Variants in SOBP observed in about 807,000 individuals in gnomAD.
SOBP encodes the protein sine oculis binding protein homolog.
SOBP carries 4 observed loss-of-function variants against 53.6 expected under a neutral mutation model. The observed-to-expected ratio is 0.07, with a 90% CI of 0.04 to 0.17. The LOEUF (loss-of-function observed/expected upper bound fraction) is 0.17, where lower values mean the gene tolerates loss of function less well. Among genes scored for constraint, SOBP ranks in the 10% least tolerant of loss-of-function variants. The pLI is 1.00. For synonymous variants in SOBP, 584 were observed against 522.6 expected, an observed-to-expected ratio of 1.12 and a Z score of -1.60; for missense variants, 1,088 against 1,204.7, an observed-to-expected ratio of 0.90 and a Z score of 1.43.
At position 107,575,658 on chromosome 6, in the gene SOBP, C is replaced by T. The variant is rs192265895; in HGVS notation, c.574-11422C>T. Among the ~76,000 whole-genome samples, 186 of 152,180 alleles carry T rather than the reference C, an allele frequency of 1.2e-3. 1 individual carries two copies. The highest frequency in any genetic ancestry group is 4.4e-3 in the African/African-American group (181 of 41,526). On this transcript the variant is annotated intron_variant, in intron 4 of 6. Transcript: ENST00000317357. ...ACTAAGAAGGGAGAGGTTGTGGAAA[C>T]GCAGGTCACTTTTTGTCTTCCTTCA...
intron 5 of SOBP, among the ~76,000 whole-genome samples, chr6:107,609,250 A>C (rs1786504131): frequency 6.6e-6 from 1 of 152,240 alleles, no homozygotes; most frequent in Admixed American, 6.5e-5. Flanking sequence ...AATGATTAAC[A>C]GTAACTGTAA....
chr6:107,517,160 G>C (rs1562584540), intron 3 of SOBP, among the ~76,000 whole-genome samples: 1 of 152,172 alleles, frequency 6.6e-6, no homozygotes, highest in Non-Finnish European at 1.5e-5. Context: ...AGGATGCAAG[G>C]ATGTAGGTAT....
intron 6 of SOBP, among the ~76,000 whole-genome samples, chr6:107,638,455 C>T (rs1172327967): frequency 1.3e-5 from 2 of 152,168 alleles, no homozygotes; most frequent in African/African-American, 4.8e-5. Flanking sequence ...AGGTGATCCA[C>T]CCACCTCGGC....
intron 3 of SOBP, among the ~76,000 whole-genome samples, chr6:107,529,127 G>A (rs999888485): frequency 6.6e-6 from 1 of 152,200 alleles, no homozygotes; most frequent in African/African-American, 2.4e-5. Context: ...ACAGGGAATT[G>A]TACAGAAACT....
rs542138217 is a variant in SOBP at position 107,583,015 on chromosome 6, C to T, written c.574-4065C>T. Among the ~76,000 whole-genome samples, 320 of 152,340 alleles carry T rather than the reference C, an allele frequency of 2.1e-3. 1 individual carries two copies. Among genetic ancestry groups the T allele is most frequent in the Non-Finnish European group, 2.9e-3 (197 of 68,034 alleles). ...TCCTCCCTGAAGGGGTCGTTGGTGT[C>T]CTATGTCCACCCTCCTTGTTAAGCC... On this transcript the variant is annotated intron_variant, in intron 4 of 6. Coordinates refer to ENST00000317357, the MANE Select transcript of SOBP (RefSeq NM_018013.4).
intron 1 of SOBP, among the ~76,000 whole-genome samples, chr6:107,492,522 C>T (rs1312369517): frequency 1.3e-5 from 2 of 152,120 alleles, no homozygotes; most frequent in African/African-American, 2.4e-5. Context: ...GCTTGGGGCT[C>T]GCGTTGTTGA....
rs536164609 is a variant in SOBP at position 107,618,877 on chromosome 6, C to T, written c.670-14637C>T. The stretch of plus-strand genomic sequence containing the variant: ...TGTGGGCTGCGTAGGGTAACTAGAA[C>T]TGAGAGGACAGAAATTGAGTTTGTA... On this transcript the variant is annotated intron_variant, in intron 5 of 6. Transcript: ENST00000317357. Among the ~76,000 whole-genome samples the T allele has an allele frequency of 6.1e-4, 93 of 152,260 alleles. 1 individual carries two copies. The South Asian group carries it at 0.016, about 26-fold the overall frequency.
chr6:107,499,395 T>C (rs540562710), intron 1 of SOBP, among the ~76,000 whole-genome samples: 93 of 152,308 alleles, frequency 6.1e-4, no homozygotes, highest in Non-Finnish European at 1.1e-3. Context: ...TTAAAAGATA[T>C]AGAAACACTG....
At chr6:107,521,912 A>ATT (rs1783504932) in intron 3 of SOBP, among the ~76,000 whole-genome samples, 1 of 8,920 alleles carries the variant, frequency 1.1e-4, no homozygotes, top group Non-Finnish European at 9.2e-4. Context: ...ACATTAAAAC[A>ATT]CACACACACA....
chr6:107,490,647 C>G lies in SOBP; in HGVS notation c.31C>G (p.Pro11Ala). 6.2e-7 allele frequency: 1 copy of G among 1,608,140 alleles called. No homozygotes were observed. The highest frequency in any genetic ancestry group is 8.5e-7 in the Non-Finnish European group (1 of 1,176,922). MAEMEKEGRP[P>A]ENKRSRKPAH... ...AGAAATGGAGAAAGAAGGGAGACCT[C>G]CCGAAAATAAACGGAGCAGGAAGCC... The change falls in exon 1 of 7, where the codon CCC becomes GCC. Residue 11 changes from proline (P) to alanine (A), a missense_variant. By Grantham distance (27) the Pro-to-Ala change is conservative (BLOSUM62 -1). Around this residue, in one of 6 missense-constraint regions of SOBP, gnomAD observed 37 missense variants for 37.8 expected, o/e 0.98. Transcript: ENST00000317357.
chr6:107,616,084 T>TGGGG (rs576223347), intron 5 of SOBP, among the ~76,000 whole-genome samples: 20 of 62,562 alleles, frequency 3.2e-4, no homozygotes, highest in African/African-American at 3.7e-4. Context: ...GGAAGGGGGG[T>TGGGG]GGGGGGGGGG....
At chr6:107,589,878 T>C (rs1465983417) in intron 5 of SOBP, among the ~76,000 whole-genome samples, 1 of 152,232 alleles carries the variant, frequency 6.6e-6, no homozygotes, top group Non-Finnish European at 1.5e-5. Context: ...CACGGGTGTT[T>C]TGCTGGCATA....
At chr6:107,608,884 G>T (rs978725276) in intron 5 of SOBP, among the ~76,000 whole-genome samples, 4 of 152,216 alleles carry the variant, frequency 2.6e-5, no homozygotes, top group African/African-American at 9.6e-5. Flanking sequence ...AATCCAGTGA[G>T]TTTGTTCGAT....
At chr6:107,522,397 G>A (rs1344176893) in intron 3 of SOBP, among the ~76,000 whole-genome samples, 2 of 152,130 alleles carry the variant, frequency 1.3e-5, no homozygotes, top group Non-Finnish European at 2.9e-5. Context: ...CTTGTAGTTT[G>A]GGCAAGAGGT....
intron 4 of SOBP, among the ~76,000 whole-genome samples, chr6:107,563,710 G>A (rs191255797): frequency 1.7e-3 from 258 of 151,836 alleles, no homozygotes; most frequent in Middle Eastern, 0.01. Context: ...ACAAAATGGC[G>A]TCTTTCAGTG....
chr6:107,633,611 A>C lies in SOBP; in HGVS notation c.767A>C (p.Asn256Thr). Reference protein sequence around the residue: ...RLQFCSAKCLNQYKMDIFYKE... With the variant: ...RLQFCSAKCLTQYKMDIFYKE... ...CAGTTCTGCAGTGCAAAATGTCTCAATCAATACAAAATGGACATTTTCTAC... is the reference window on the plus strand; with the variant it reads ...CAGTTCTGCAGTGCAAAATGTCTCACTCAATACAAAATGGACATTTTCTAC... Residue 256 changes from asparagine to threonine, a missense_variant, in exon 6 of 7, where the codon AAT becomes ACT. Asn to Thr is a moderately conservative substitution (Grantham distance 65, BLOSUM62 0). Around this residue, in one of 6 missense-constraint regions of SOBP, gnomAD observed 55 missense variants for 134.3 expected, o/e 0.41. Transcript: ENST00000317357. 1 of 1,614,248 alleles carries C rather than the reference A, an allele frequency of 6.2e-7. No individual in the cohort carries two copies. The highest frequency in any genetic ancestry group is 8.5e-7 in the Non-Finnish European group (1 of 1,180,036).
chr6:107,501,963 A>G (rs912510200), intron 1 of SOBP, among the ~76,000 whole-genome samples: 1 of 152,190 alleles, frequency 6.6e-6, no homozygotes, highest in Admixed American at 6.5e-5. Context: ...GGATGGTAAC[A>G]CTGAATCAAT....
At chr6:107,640,782 C>T (rs1182903343) in intron 6 of SOBP, among the ~76,000 whole-genome samples, 1 of 152,146 alleles carries the variant, frequency 6.6e-6, no homozygotes, top group Non-Finnish European at 1.5e-5. Context: ...TTCAGATGTA[C>T]CCATAACCTT....
chr6:107,592,842 C>G (rs1471198338), intron 5 of SOBP, among the ~76,000 whole-genome samples: 1 of 152,144 alleles, frequency 6.6e-6, no homozygotes, highest in African/African-American at 2.4e-5. Context: ...CCTGTATTCC[C>G]GTAGTTTCCT....
Sources: gnomAD v4.1 joint callset for allele counts (sites outside exome capture counted in the v4.1 genomes callset) on GRCh38, gnomAD v4.1.1 for gene constraint, gnomAD v4.1.1 regional missense constraint, MANE v1.5 for transcripts, NCBI Gene and HGNC (gene_info 2026-07-23, HGNC 2026-07-21) for gene names.